The following SYNE1 variants were observed in gnomAD, a reference collection of about 807,000 sequenced individuals.
The protein encoded by SYNE1 is nesprin-1.
Under a neutral mutation model 1,111.0 loss-of-function variants are expected in SYNE1, and 616 were observed. The ratio of observed to expected loss-of-function variants is 0.55; its 90% CI spans 0.52 to 0.59. SYNE1 has a LOEUF of 0.59. Ranked by LOEUF, SYNE1 falls within the 20% of genes least tolerant of loss-of-function variation. The pLI, the probability that SYNE1 is intolerant of heterozygous loss-of-function variation, is 0.00. For synonymous variants in SYNE1, 3,855 were observed against 3,825.8 expected (o/e 1.01, Z -0.28); for missense variants, 10,006 against 10,417.0 (o/e 0.96, Z 1.72).
At chr6:152,309,685 C>G (rs774238715) in intron 90 of SYNE1, 150 bp downstream of exon 90, 9 of 966,034 alleles carry the variant, frequency 9.3e-6, no homozygotes, top group Non-Finnish European at 1.4e-5. Flanking sequence ...CAAATGACAG[C>G]ATTTTAATCT....
intron 137 of SYNE1, chr6:152,144,834 C>T (rs2059186697): frequency 6.4e-6 from 1 of 156,434 alleles, no homozygotes; most frequent in Admixed American, 6.1e-5. Flanking sequence ...TCTAACACAA[C>T]ACTAAGCAAA....
Position 152,149,595 on chromosome 6 carries a change from T to C in SYNE1, c.24524A>G (p.Glu8175Gly), listed in dbSNP as rs2060077031. 1 of 1,614,208 alleles carries C rather than the reference T, an allele frequency of 6.2e-7. No individual in the cohort carries two copies. The highest frequency in any genetic ancestry group is 8.5e-7 in the Non-Finnish European group (1 of 1,180,036). ...CGCTGCATCCAAGGGCTCACTCTTT[T>C]CTATCAGCTGTTCTCCTTGGGCAAT... is the stretch of plus-strand genomic sequence containing the variant. ...QIIAQGEQLI[E>G]KSEPLDAAII... Residue 8175 changes from glutamate to glycine, a missense_variant, in exon 136 of 146, where the codon GAA (glutamate) becomes GGA (glycine). Around this residue, in one of 7 missense-constraint regions of SYNE1, gnomAD observed 761 missense variants for 795.5 expected, o/e 0.96. Transcript: ENST00000367255.
intron 128 of SYNE1, among the ~76,000 whole-genome samples, chr6:152,181,287 C>T (rs2068010843): frequency 6.6e-6 from 1 of 152,072 alleles, no homozygotes; most frequent in Non-Finnish European, 1.5e-5. Context: ...TGGCGCACAC[C>T]TGTAATCCCA....
intron 3 of SYNE1, among the ~76,000 whole-genome samples, chr6:152,584,470 G>C (rs1233034790): frequency 1.3e-5 from 2 of 151,938 alleles, no homozygotes; most frequent in African/African-American, 4.8e-5. Flanking sequence ...TTGAGACAGG[G>C]CCTTGCTCTG....
At position 152,609,050 on chromosome 6, in the gene SYNE1, C is replaced by T. The variant is rs188455151; in HGVS notation, c.67+19215G>A. ...TCCAGTCTGCAGCTCCCAGAGTGAT[C>T]GACACAGAAGACGGGTGATTTCTGC... is the stretch of plus-strand genomic sequence containing the variant. On this transcript the variant is annotated intron_variant, in intron 3 of 145. Transcript: ENST00000367255. Among the ~76,000 whole-genome samples, 26 of 152,170 alleles carry T rather than the reference C, an allele frequency of 1.7e-4. No homozygotes were observed. In the East Asian group the frequency reaches 4.9e-3, roughly 28 times the overall value.
chr6:152,420,106 A>C (rs928682673), intron 39 of SYNE1, among the ~76,000 whole-genome samples: 12 of 152,212 alleles, frequency 7.9e-5, no homozygotes, highest in African/African-American at 2.9e-4. Context: ...CCACAGAAGT[A>C]ACCAAAGTTT....
At chr6:152,345,288 G>C (rs1384500828) in intron 73 of SYNE1, among the ~76,000 whole-genome samples, 1 of 152,216 alleles carries the variant, frequency 6.6e-6, no homozygotes, top group South Asian at 2.1e-4. Flanking sequence ...AAGGAAGACA[G>C]TGTGCAAGAA....
At chr6:152,522,694 A>G (rs2099145772) in intron 5 of SYNE1, among the ~76,000 whole-genome samples, 1 of 152,050 alleles carries the variant, frequency 6.6e-6, no homozygotes, top group South Asian at 2.1e-4. Context: ...CGTTCCCTTT[A>G]CAACACTTCC....
chr6:152,165,271 C>T (rs74441536), intron 130 of SYNE1, among the ~76,000 whole-genome samples: 4,327 of 152,266 alleles, frequency 0.028, 93 homozygotes, highest in African/African-American at 0.067. Flanking sequence ...GTATTTTGAA[C>T]ATTTGATTTA....
chr6:152,500,467 G>A (rs1265736013), intron 10 of SYNE1, among the ~76,000 whole-genome samples: 1 of 152,190 alleles, frequency 6.6e-6, no homozygotes, highest in Non-Finnish European at 1.5e-5. Context: ...TTGTTTTTAA[G>A]AAGCTAACAT....
rs1473961002 is a variant in SYNE1, at chr6:152,396,986, T to A, written c.7351-6A>T. On this transcript the variant is annotated splice_polypyrimidine_tract_variant and splice_region_variant and intron_variant, in intron 49 of 145. Transcript: ENST00000367255. ...CTGACTGAGTCCAAAATGTTCTGTTTCAGGAAATAAAGGTAATAGGTCCAT... is the reference window on the plus strand; with the variant it reads ...CTGACTGAGTCCAAAATGTTCTGTTACAGGAAATAAAGGTAATAGGTCCAT... The A allele has an allele frequency of 1.2e-6, 2 of 1,614,056 alleles. No homozygotes were observed. The highest frequency in any genetic ancestry group is 3.3e-5 in the Admixed American group (2 of 60,022).
At chr6:152,472,794 T>C (rs1172497440) in intron 14 of SYNE1, among the ~76,000 whole-genome samples, 1 of 152,228 alleles carries the variant, frequency 6.6e-6, no homozygotes, top group Non-Finnish European at 1.5e-5. Context: ...GCATGACAAA[T>C]TGAAACCTTT....
chr6:152,406,610 G>C (rs2097905375), intron 45 of SYNE1, among the ~76,000 whole-genome samples: 1 of 152,106 alleles, frequency 6.6e-6, no homozygotes, highest in Admixed American at 6.6e-5. Context: ...GCTCACACCT[G>C]TAATCACAGC....
rs1490214052 is a variant in SYNE1, at chr6:152,413,442, T to C, written c.6140A>G (p.Gln2047Arg). Residue 2047 changes from glutamine (Q) to arginine (R), a missense_variant, in exon 42 of 146, where the codon CAG (glutamine) becomes CGG (arginine). Coordinates refer to ENST00000367255, the MANE Select transcript of SYNE1 (RefSeq NM_182961.4). ...TTCAGGTGCAAAAGCTACATCTTTC[T>C]GGGCAATTTGCTTGGCTTTGTCTTT... The part of the protein sequence containing the change: ...WLKDKAKQIA[Q>R]KDVAFAPEVD... 5 of 1,614,192 alleles carry C rather than the reference T, an allele frequency of 3.1e-6. No homozygotes were observed. The highest frequency in any genetic ancestry group is 1.3e-5 in the African/African-American group (1 of 75,054).
chr6:152,236,017 T>C (rs1283888958), intron 110 of SYNE1, 90 bp downstream of exon 110: 8 of 1,400,638 alleles, frequency 5.7e-6, no homozygotes, highest in Admixed American at 1.7e-5. Context: ...AATGAGATTA[T>C]AGGTTTGAGC....
intron 3 of SYNE1, among the ~76,000 whole-genome samples, chr6:152,622,464 A>C (rs989316223): frequency 2.0e-5 from 3 of 151,934 alleles, no homozygotes; most frequent in Non-Finnish European, 4.4e-5. Flanking sequence ...GTTCCCCTCT[A>C]TGTGTCCATG....
chr6:152,495,690 C>T (rs1390974498), intron 11 of SYNE1, among the ~76,000 whole-genome samples: 1 of 152,112 alleles, frequency 6.6e-6, no homozygotes, highest in Non-Finnish European at 1.5e-5. Flanking sequence ...TTTTTCCTGC[C>T]AAACCACTCA....
intron 127 of SYNE1, among the ~76,000 whole-genome samples, chr6:152,193,856 A>C (rs2153274677): frequency 6.6e-6 from 1 of 151,926 alleles, no homozygotes; most frequent in South Asian, 2.1e-4. Context: ...CTAAAAAAAT[A>C]CAAAAAATTA....
chr6:152,177,982 C>A (rs1031164698), intron 129 of SYNE1, among the ~76,000 whole-genome samples: 39 of 151,490 alleles, frequency 2.6e-4, no homozygotes, highest in Admixed American at 2.2e-3. Flanking sequence ...AATTACCAAA[C>A]CTTGATGTTA....
Sources: allele counts gnomAD v4.1 joint callset (sites outside exome capture counted in the v4.1 genomes callset), GRCh38; gene constraint gnomAD v4.1.1; regional missense constraint gnomAD v4.1.1; transcripts MANE v1.5; gene names NCBI Gene and HGNC (gene_info 2026-07-23, HGNC 2026-07-21).